The following RBL2 variants were observed in gnomAD, a reference collection of about 807,000 sequenced individuals.
RBL2 encodes retinoblastoma-like protein 2.
A neutral mutation model predicts 126.0 loss-of-function variants in RBL2; 56 were observed. The observed-to-expected ratio is 0.44, with a 90% confidence interval of 0.36 to 0.56. The LOEUF (loss-of-function observed/expected upper bound fraction) is 0.56. Among genes scored for constraint, RBL2 ranks in the 20% least tolerant of loss-of-function variants. RBL2 has a pLI of 0.00. For missense variants in RBL2, 1,229 were observed against 1,398.2 expected (o/e 0.88, Z 1.93); for synonymous variants, 454 against 478.5 (o/e 0.95, Z 0.67).
chr16:53,434,671 G>A lies in RBL2; in HGVS notation c.115G>A (p.Glu39Lys), dbSNP rs765003582. 5.8e-5 allele frequency: 91 copies of A among 1,572,498 alleles called. 1 individual carries two copies. The highest frequency in any genetic ancestry group is 7.4e-5 in the Non-Finnish European group (87 of 1,168,780). The part of the protein sequence containing the change: ...GEAEDAAPPA[E>K]SPTPQIQQRF... ...GGCGGAAGACGCCGCGCCGCCTGCCGAGTCGCCCACCCCTCAGATCCAGCA... is the reference window on the plus strand; with the variant it reads ...GGCGGAAGACGCCGCGCCGCCTGCCAAGTCGCCCACCCCTCAGATCCAGCA... The change falls in exon 1 of 22, where the codon GAG becomes AAG. Residue 39 changes from glutamate (E) to lysine (K), a missense_variant. Physicochemically the swap from Glu to Lys is moderately conservative, Grantham distance 56 (BLOSUM62 1). Transcript: ENST00000262133.
chr16:53,464,743 C>T (rs8054299), intron 12 of RBL2: 26 of 156,410 alleles, frequency 1.7e-4, no homozygotes, highest in East Asian at 1.1e-3. Context: ...ATAAAAAGTT[C>T]TCTTTCATGT....
At chr16:53,474,115 C>T (rs1960629121) in intron 17 of RBL2, among the ~76,000 whole-genome samples, 2 of 151,880 alleles carry the variant, frequency 1.3e-5, no homozygotes, top group African/African-American at 4.8e-5. Flanking sequence ...ACCTTCATCT[C>T]CTGAGTAGCT....
chr16:53,434,629 G>A lies in RBL2; in HGVS notation c.73G>A (p.Glu25Lys), dbSNP rs2153136499. Residue 25 changes from glutamate to lysine, a missense_variant, in exon 1 of 22, where the codon GAG becomes AAG. This residue lies in a region of RBL2 where 159 missense variants were observed against 123.9 expected (regional missense o/e 1.28). Transcript: ENST00000262133. ...PPAAAASDEEEEDDGEAEDAA... is the reference protein window; with the variant it reads ...PPAAAASDEEKEDDGEAEDAA... ...GGCGGCGGCAGCCTCGGATGAGGAG[G>A]AGGAGGACGACGGCGAGGCGGAAGA... 1.3e-6 allele frequency: 2 copies of A among 1,564,496 alleles called. No individual in the cohort carries two copies. Among genetic ancestry groups the A allele is most frequent in the Non-Finnish European group, 1.7e-6 (2 of 1,164,944 alleles).
At chr16:53,453,423 T>C (rs1385362464) in intron 5 of RBL2, 29 bp from the exon 6 acceptor site, 5 of 1,589,074 alleles carry the variant, frequency 3.1e-6, no homozygotes, top group African/African-American at 1.3e-5. Context: ...TGTGCTGATA[T>C]CTCTGTTTTG....
Position 53,490,908 on chromosome 16 carries a change from G to C in RBL2, c.*608G>C, listed in dbSNP as rs148782697. On this transcript the variant is annotated 3_prime_UTR_variant, in exon 22 of 22. Transcript: ENST00000262133. ...GTCCTTGATTGTTCGGGTGTGCAAT[G>C]TCTGAGTGAACCTGTATAAGTGGAG... 2 of 152,732 alleles carry C rather than the reference G, an allele frequency of 1.3e-5. No homozygotes were observed. The highest frequency in any genetic ancestry group is 2.9e-5 in the Non-Finnish European group (2 of 68,022). The allele number at this position is 152,732 out of a possible 1,614,324, so 9.5% of individuals were successfully genotyped here.
intron 21 of RBL2, chr16:53,487,806 A>T (rs940325365): frequency 6.6e-6 from 1 of 152,258 alleles, no homozygotes; most frequent in Non-Finnish European, 1.5e-5. Flanking sequence ...TATCTACAGT[A>T]TCTAAAGAAT....
intron 3 of RBL2, chr16:53,445,837 A>G (rs1359666004): frequency 6.6e-6 from 1 of 152,248 alleles, no homozygotes; most frequent in Non-Finnish European, 1.5e-5. Context: ...CAGTGCATGC[A>G]ATGCAGTGTG....
At chr16:53,487,485 C>T (rs574111352) in intron 21 of RBL2, 65 of 152,262 alleles carry the variant, frequency 4.3e-4, no homozygotes, top group African/African-American at 1.5e-3. Context: ...ATTGGATGTG[C>T]ATATAACAAA....
chr16:53,436,575 G>A (rs1284454424), intron 1 of RBL2, among the ~76,000 whole-genome samples: 1 of 152,194 alleles, frequency 6.6e-6, no homozygotes, highest in African/African-American at 2.4e-5. Context: ...GGTACGCTGT[G>A]ACAATATGGG....
intron 3 of RBL2, 52 bp downstream of exon 3, chr16:53,442,910 G>A (rs2058029456): frequency 1.6e-6 from 2 of 1,244,534 alleles, no homozygotes; most frequent in African/African-American, 1.6e-5. Context: ...GTGCTGCAGT[G>A]TTGATATTCT....
In RBL2 at chr16:53,482,502, A is replaced by AT. The variant is rs550576266; in HGVS notation, c.3249+672dup. ...ATTGTGAAGGCCCTTACATAATGAG[A>AT]TTTTTATTGATAAAGGTTGCTTAGA... On this transcript the variant is annotated intron_variant, in intron 21 of 21. Coordinates refer to ENST00000262133, the MANE Select transcript of RBL2 (RefSeq NM_005611.4). Among the ~76,000 whole-genome samples the AT allele has an allele frequency of 2.9e-3, 443 of 152,238 alleles. 1 individual carries two copies. Among genetic ancestry groups the AT allele is most frequent in the Non-Finnish European group, 5.5e-3 (374 of 68,002 alleles).
At chr16:53,488,732 G>A (rs575511499) in intron 21 of RBL2, 1 of 152,296 alleles carries the variant, frequency 6.6e-6, no homozygotes, top group African/African-American at 2.4e-5. Flanking sequence ...CAGTGTCAGT[G>A]CACTGGTATG....
chr16:53,473,048 C>G (rs1960583205), intron 17 of RBL2, among the ~76,000 whole-genome samples: 1 of 152,170 alleles, frequency 6.6e-6, no homozygotes, highest in Non-Finnish European at 1.5e-5. Flanking sequence ...AAATTCTATT[C>G]CACTGGACTA....
chr16:53,483,556 G>T (rs1202022424), intron 21 of RBL2, among the ~76,000 whole-genome samples: 1 of 151,560 alleles, frequency 6.6e-6, no homozygotes, highest in African/African-American at 2.4e-5. Flanking sequence ...AAAAAAAGTT[G>T]AGGAAAACAA....
At chr16:53,479,772 A>G in intron 18 of RBL2, 114 bp from the exon 19 acceptor site, 1 of 653,696 alleles carries the variant, frequency 1.5e-6, no homozygotes. Context: ...TTCTGAGGAC[A>G]ACTATTGCTA....
At chr16:53,453,985 T>G (rs1233234299) in intron 7 of RBL2, among the ~76,000 whole-genome samples, 5 of 152,230 alleles carry the variant, frequency 3.3e-5, no homozygotes, top group African/African-American at 1.2e-4. Context: ...GCTTCTGGAT[T>G]ATAAATTTTG....
intron 17 of RBL2, among the ~76,000 whole-genome samples, chr16:53,475,129 G>A (rs944715403): frequency 7.9e-5 from 12 of 152,180 alleles, no homozygotes; most frequent in South Asian, 2.1e-4. Context: ...GGGCTAAATT[G>A]TTGGCAAATA....
intron 2 of RBL2, among the ~76,000 whole-genome samples, chr16:53,441,399 C>T (rs2058014830): frequency 1.3e-5 from 2 of 152,134 alleles, no homozygotes; most frequent in African/African-American, 2.4e-5. Flanking sequence ...CAAAGAAACT[C>T]CTGCACACAT....
At chr16:53,447,964 A>G (rs1274357436) in intron 4 of RBL2, among the ~76,000 whole-genome samples, 9 of 152,044 alleles carry the variant, frequency 5.9e-5, no homozygotes, top group Non-Finnish European at 1.2e-4. Flanking sequence ...ATTTCTATGT[A>G]GAAACAATTC....
Sources: gnomAD v4.1 joint callset for allele counts (sites outside exome capture counted in the v4.1 genomes callset) on GRCh38, gnomAD v4.1.1 for gene constraint, gnomAD v4.1.1 regional missense constraint, MANE v1.5 for transcripts, NCBI Gene and HGNC (gene_info 2026-07-23, HGNC 2026-07-21) for gene names.